The following DCLK1 variants were observed in gnomAD, a reference collection of about 807,000 sequenced individuals.
The protein encoded by DCLK1 is doublecortin like kinase 1.
DCLK1 carries 16 observed loss-of-function variants against 86.2 expected under a neutral mutation model. That is an observed-to-expected ratio of 0.19 (90% confidence interval 0.13 to 0.28). The LOEUF (loss-of-function observed/expected upper bound fraction) is 0.28, where lower values mean the gene tolerates loss of function less well. Ranked by LOEUF, DCLK1 falls within the 10% of genes least tolerant of loss-of-function variation. The pLI is 1.00. For synonymous variants in DCLK1, 369 were observed against 370.5 expected, an observed-to-expected ratio of 1.00 and a Z score of 0.05; for missense variants, 590 against 940.2, an observed-to-expected ratio of 0.63 and a Z score of 4.87.
intron 3 of DCLK1, among the ~76,000 whole-genome samples, chr13:36,029,438 C>A (rs9531373): frequency 0.047 from 7,174 of 152,232 alleles, 175 homozygotes; most frequent in Middle Eastern, 0.092. Context: ...TTGCAGTGAA[C>A]CAGACAATAT....
chr13:35,827,868 T>C (rs1046709686), intron 9 of DCLK1, 114 bp from the exon 10 acceptor site: 1 of 1,316,382 alleles, frequency 7.6e-7, no homozygotes, highest in African/African-American at 1.5e-5. Flanking sequence ...TGGTAAAATG[T>C]AATAAGCCTG....
At chr13:35,846,279 A>G in intron 6 of DCLK1, 1 of 985,062 alleles carries the variant, frequency 1.0e-6, no homozygotes, top group Non-Finnish European at 1.2e-6. Flanking sequence ...CAAAGTAAAG[A>G]GTTCTTAGAA....
chr13:35,888,621 G>C (rs973797739), intron 4 of DCLK1, among the ~76,000 whole-genome samples: 2 of 152,198 alleles, frequency 1.3e-5, no homozygotes, highest in East Asian at 3.8e-4. Flanking sequence ...GGCTTTTGGA[G>C]GGATTGTGGT....
chr13:36,083,162 G>C (rs548033255), intron 3 of DCLK1, among the ~76,000 whole-genome samples: 1 of 152,274 alleles, frequency 6.6e-6, no homozygotes, highest in African/African-American at 2.4e-5. Context: ...TGGGCTATAA[G>C]AAAGCACCAT....
At chr13:35,886,660 G>C (rs1873281066) in intron 4 of DCLK1, among the ~76,000 whole-genome samples, 1 of 152,158 alleles carries the variant, frequency 6.6e-6, no homozygotes, top group Non-Finnish European at 1.5e-5. Flanking sequence ...AGCAGCATGA[G>C]AGAACTCAGG....
chr13:35,905,536 T>G (rs1874641399), intron 4 of DCLK1, among the ~76,000 whole-genome samples: 1 of 152,194 alleles, frequency 6.6e-6, no homozygotes, highest in Admixed American at 6.5e-5. Flanking sequence ...CAAGAGATTT[T>G]CAAAGACAGC....
intron 12 of DCLK1, among the ~76,000 whole-genome samples, chr13:35,810,215 G>T (rs2087114573): frequency 6.6e-6 from 1 of 152,162 alleles, no homozygotes; most frequent in East Asian, 1.9e-4. Flanking sequence ...GTGCAAAATG[G>T]GAATCAAACC....
At chr13:35,872,932 G>C (rs1365603216) in intron 4 of DCLK1, among the ~76,000 whole-genome samples, 1 of 151,734 alleles carries the variant, frequency 6.6e-6, no homozygotes, top group Non-Finnish European at 1.5e-5. Context: ...CATCTTTCTT[G>C]GTCAACCCAT....
intron 16 of DCLK1, among the ~76,000 whole-genome samples, chr13:35,780,745 A>G (rs1433157727): frequency 1.3e-5 from 2 of 152,264 alleles, no homozygotes; most frequent in Non-Finnish European, 2.9e-5. Context: ...CAAAGCCCTT[A>G]GCAGATGCTA....
chr13:35,778,748 G>A (rs75103065), intron 16 of DCLK1, among the ~76,000 whole-genome samples: 2,477 of 152,320 alleles, frequency 0.016, 69 homozygotes, highest in African/African-American at 0.056. Context: ...GTTGGAGGAT[G>A]TCAAGAAACC....
intron 3 of DCLK1, among the ~76,000 whole-genome samples, chr13:36,034,076 C>T (rs1462195158): frequency 6.6e-6 from 1 of 152,116 alleles, no homozygotes; most frequent in African/African-American, 2.4e-5. Flanking sequence ...GGTCTTTGTC[C>T]AGGCCTGGCC....
intron 5 of DCLK1, 98 bp from the exon 6 acceptor site, chr13:35,854,691 C>A (rs1416436045): frequency 2.8e-6 from 3 of 1,054,614 alleles, no homozygotes; most frequent in Non-Finnish European, 2.6e-6. Flanking sequence ...ATATAGAGAG[C>A]CATCTACTAG....
intron 8 of DCLK1, among the ~76,000 whole-genome samples, chr13:35,833,422 C>T (rs1052875794): frequency 5.3e-5 from 8 of 152,142 alleles, no homozygotes; most frequent in Non-Finnish European, 1.2e-4. Context: ...AAATGCTCCA[C>T]GAAACAGCTT....
At chr13:35,838,884 C>T (rs907921055) in intron 7 of DCLK1, among the ~76,000 whole-genome samples, 1 of 152,098 alleles carries the variant, frequency 6.6e-6, no homozygotes, top group Non-Finnish European at 1.5e-5. Context: ...GAAATGTCTC[C>T]GAAATGGGCC....
intron 4 of DCLK1, among the ~76,000 whole-genome samples, chr13:35,898,035 T>C (rs1023597448): frequency 6.6e-6 from 1 of 152,220 alleles, no homozygotes; most frequent in Non-Finnish European, 1.5e-5. Flanking sequence ...ATTTAAAATA[T>C]ATGATCTAAA....
intron 4 of DCLK1, among the ~76,000 whole-genome samples, chr13:35,911,258 C>T (rs1329802974): frequency 6.6e-6 from 1 of 150,610 alleles, no homozygotes; most frequent in Non-Finnish European, 1.5e-5. Flanking sequence ...TGCGCCACTG[C>T]ACTCCAGCCT....
At chr13:35,836,874 A>G (rs1281022703) in intron 7 of DCLK1, among the ~76,000 whole-genome samples, 1 of 152,214 alleles carries the variant, frequency 6.6e-6, no homozygotes, top group African/African-American at 2.4e-5. Flanking sequence ...TAAATATCTA[A>G]GGCCATAAAA....
intron 6 of DCLK1, among the ~76,000 whole-genome samples, chr13:35,853,754 G>A (rs943313933): frequency 2.0e-5 from 3 of 152,044 alleles, no homozygotes; most frequent in Non-Finnish European, 4.4e-5. Flanking sequence ...CTGAAATCAG[G>A]ACCATAAAGG....
At chr13:35,956,314 TCAAACTTATATTCTATTGCTGAGAGG>T (rs1877972083) in intron 3 of DCLK1, among the ~76,000 whole-genome samples, 1 of 152,146 alleles carries the variant, frequency 6.6e-6, no homozygotes. Flanking sequence ...TAGGAAAAGA[TCAAACTTATATTCTATTGCTGAGAGG>T]CAAACTTATA....
Sources: allele counts gnomAD v4.1 joint callset (sites outside exome capture counted in the v4.1 genomes callset), GRCh38; gene constraint gnomAD v4.1.1; transcripts MANE v1.5; gene names NCBI Gene and HGNC (gene_info 2026-07-23, HGNC 2026-07-21).